RPS6KA5: variants seen among roughly 807,000 people sequenced by gnomAD.
RPS6KA5 encodes the protein ribosomal protein S6 kinase alpha-5.
RPS6KA5 carries 27 observed loss-of-function variants against 85.5 expected under a neutral mutation model. The ratio of observed to expected loss-of-function variants is 0.32; its 90% confidence interval spans 0.23 to 0.44. The LOEUF (loss-of-function observed/expected upper bound fraction) is 0.44, where lower values mean the gene tolerates loss of function less well. RPS6KA5 is among the 20% of genes least tolerant of loss of function. The pLI is 1.00. For synonymous variants in RPS6KA5, 334 were observed against 348.2 expected (o/e 0.96, Z 0.46); for missense variants, 811 against 980.9 (o/e 0.83, Z 2.31).
chr14:90,916,310 T>C (rs1479958078), intron 7 of RPS6KA5, among the ~76,000 whole-genome samples: 1 of 152,222 alleles, frequency 6.6e-6, no homozygotes, highest in Admixed American at 6.5e-5. Context: ...AGCTGGACTC[T>C]AAGTTTCTTC....
chr14:90,939,620 C>G (rs1267656456), intron 5 of RPS6KA5, among the ~76,000 whole-genome samples: 1 of 152,110 alleles, frequency 6.6e-6, no homozygotes, highest in East Asian at 1.9e-4. Context: ...TAGCAGGAGA[C>G]AAAGAGAGAG....
chr14:90,914,885 G>A (rs1470263787), intron 7 of RPS6KA5, among the ~76,000 whole-genome samples: 1 of 151,952 alleles, frequency 6.6e-6, no homozygotes, highest in Admixed American at 6.5e-5. Flanking sequence ...GTGTAGATGA[G>A]TAGCTACTGT....
chr14:91,009,618 T>A (rs1239358861), intron 1 of RPS6KA5, among the ~76,000 whole-genome samples: 1 of 152,084 alleles, frequency 6.6e-6, no homozygotes, highest in Non-Finnish European at 1.5e-5. Context: ...GAAATGCAAG[T>A]CTGGTGAATG....
intron 14 of RPS6KA5, among the ~76,000 whole-genome samples, chr14:90,878,195 G>T (rs1444974361): frequency 6.6e-6 from 1 of 152,160 alleles, no homozygotes; most frequent in African/African-American, 2.4e-5. Flanking sequence ...CCTGAACCTT[G>T]CGTAGTGCCA....
intron 1 of RPS6KA5, among the ~76,000 whole-genome samples, chr14:91,002,283 T>C (rs2040826082): frequency 6.6e-6 from 1 of 152,148 alleles, no homozygotes; most frequent in South Asian, 2.1e-4. Flanking sequence ...AATATAGCTA[T>C]GAACACATAC....
chr14:90,948,323 T>C (rs761836798), intron 3 of RPS6KA5, among the ~76,000 whole-genome samples: 1 of 152,240 alleles, frequency 6.6e-6, no homozygotes, highest in Non-Finnish European at 1.5e-5. Flanking sequence ...TACAAATTAA[T>C]GTTAGAAACT....
In RPS6KA5 at chr14:90,855,232, G is replaced by A. The variant is rs956291690; in HGVS notation, c.*16842C>T. On this transcript the variant is annotated 3_prime_UTR_variant, in exon 17 of 17. Transcript: ENST00000614987. ...TAGTAAAATGGCAAAATCATGAATG[G>A]CATTAATTTTCTGCTATTTTAAAGG... 2 of 152,056 alleles carry A rather than the reference G, an allele frequency of 1.3e-5. No homozygotes were observed. Among genetic ancestry groups the A allele is most frequent in the Admixed American group, 1.3e-4 (2 of 15,266 alleles). 9.4% of individuals were successfully genotyped at this position (152,056 alleles called of 1,614,324 possible).
intron 14 of RPS6KA5, 78 bp downstream of exon 14, chr14:90,890,409 A>C (rs1344434252): frequency 1.6e-6 from 2 of 1,261,944 alleles, no homozygotes; most frequent in Non-Finnish European, 2.1e-6. Flanking sequence ...GAATGTAAGG[A>C]AACAGTGAAG....
intron 1 of RPS6KA5, among the ~76,000 whole-genome samples, chr14:91,008,555 G>C (rs147196897): frequency 1.3e-5 from 2 of 152,154 alleles, no homozygotes; most frequent in Non-Finnish European, 2.9e-5. Flanking sequence ...AAGAAGTACA[G>C]GATTTGTACT....
At chr14:91,016,210 A>T (rs1280168488) in intron 1 of RPS6KA5, among the ~76,000 whole-genome samples, 3 of 152,182 alleles carry the variant, frequency 2.0e-5, no homozygotes, top group Non-Finnish European at 4.4e-5. Context: ...GTGCCTATAA[A>T]CACAACTACA....
intron 2 of RPS6KA5, among the ~76,000 whole-genome samples, chr14:91,000,746 G>A (rs911229381): frequency 6.6e-6 from 1 of 152,076 alleles, no homozygotes; most frequent in Non-Finnish European, 1.5e-5. Flanking sequence ...AGGTTGCAGT[G>A]AGCTGAGATC....
At chr14:90,979,598 C>T (rs889272389) in intron 2 of RPS6KA5, among the ~76,000 whole-genome samples, 3 of 152,174 alleles carry the variant, frequency 2.0e-5, no homozygotes, top group Admixed American at 6.5e-5. Flanking sequence ...TCTTGTACTC[C>T]GTATGTTATT....
intron 8 of RPS6KA5, among the ~76,000 whole-genome samples, chr14:90,903,472 C>T (rs1420041543): frequency 6.6e-6 from 1 of 152,196 alleles, no homozygotes; most frequent in Non-Finnish European, 1.5e-5. Flanking sequence ...GAAAATAAAT[C>T]CACTGTAAAT....
intron 1 of RPS6KA5, among the ~76,000 whole-genome samples, chr14:91,046,874 T>TTTCC (rs1482577729): frequency 6.6e-6 from 1 of 152,038 alleles, no homozygotes; most frequent in Non-Finnish European, 1.5e-5. Context: ...TGACAAAGAT[T>TTTCC]TTATTTAAGA....
intron 1 of RPS6KA5, among the ~76,000 whole-genome samples, chr14:91,058,550 A>G (rs1327625044): frequency 6.6e-6 from 1 of 152,272 alleles, no homozygotes; most frequent in Non-Finnish European, 1.5e-5. Context: ...TTCCATACAT[A>G]TAAATCAGTG....
chr14:90,905,639 ATGAG>A (rs1369106838), intron 8 of RPS6KA5, among the ~76,000 whole-genome samples: 1 of 152,232 alleles, frequency 6.6e-6, no homozygotes, highest in Non-Finnish European at 1.5e-5. Context: ...AAGGAAATAA[ATGAG>A]TAACACTCTA....
intron 1 of RPS6KA5, among the ~76,000 whole-genome samples, chr14:91,035,900 T>C (rs1434851656): frequency 1.2e-5 from 1 of 80,240 alleles, no homozygotes; most frequent in Non-Finnish European, 2.5e-5. Flanking sequence ...CTGAAGAATA[T>C]GGTAATACAA....
intron 3 of RPS6KA5, among the ~76,000 whole-genome samples, chr14:90,966,400 T>A (rs1346115502): frequency 6.6e-6 from 1 of 152,176 alleles, no homozygotes; most frequent in East Asian, 1.9e-4. Context: ...ATGCACACAG[T>A]TACTCATAGA....
intron 2 of RPS6KA5, among the ~76,000 whole-genome samples, chr14:90,984,142 G>A (rs959990246): frequency 2.6e-5 from 4 of 152,090 alleles, no homozygotes; most frequent in African/African-American, 4.8e-5. Flanking sequence ...CACCACACTC[G>A]GCCTGAGATC....
Sources: allele counts gnomAD v4.1 joint callset (sites outside exome capture counted in the v4.1 genomes callset), GRCh38; gene constraint gnomAD v4.1.1; transcripts MANE v1.5; gene names NCBI Gene and HGNC (gene_info 2026-07-23, HGNC 2026-07-21).